The following TTLL11 variants were observed in gnomAD, a reference collection of about 807,000 sequenced individuals.
The protein encoded by TTLL11 is tubulin polyglutamylase TTLL11.
TTLL11 carries 42 observed loss-of-function variants against 51.7 expected under a neutral mutation model. The ratio of observed to expected loss-of-function variants is 0.81; its 90% CI spans 0.64 to 1.05. The LOEUF (loss-of-function observed/expected upper bound fraction) is 1.05, where lower values mean the gene tolerates loss of function less well. TTLL11 is among the 50% of genes least tolerant of loss of function. The pLI, the probability that TTLL11 is intolerant of heterozygous loss-of-function variation, is 0.00. For missense variants in TTLL11, 799 were observed against 940.4 expected, an observed-to-expected ratio of 0.85 and a Z score of 1.97; for synonymous variants, 381 against 383.5, an observed-to-expected ratio of 0.99 and a Z score of 0.08.
chr9:121,942,536 C>T (rs548178785), intron 6 of TTLL11, among the ~76,000 whole-genome samples: 1 of 152,276 alleles, frequency 6.6e-6, no homozygotes, highest in East Asian at 1.9e-4. Flanking sequence ...GCCCGGTACA[C>T]AGTGATTGCT....
At chr9:121,996,659 C>T (rs1435695449) in intron 3 of TTLL11, among the ~76,000 whole-genome samples, 1 of 152,202 alleles carries the variant, frequency 6.6e-6, no homozygotes, top group Non-Finnish European at 1.5e-5. Flanking sequence ...TTTGCACCAA[C>T]CTAAATAATA....
chr9:121,985,249 C>G lies in TTLL11; in HGVS notation c.1269+3946G>C, dbSNP rs184704085. 3.8e-3 allele frequency among the ~76,000 whole-genome samples: 585 copies of G among 152,328 alleles called. 3 individuals are homozygous for G. The highest frequency in any genetic ancestry group is 6.8e-3 in the Admixed American group (104 of 15,302). On this transcript the variant is annotated intron_variant, in intron 4 of 8. Coordinates refer to ENST00000321582, the MANE Select transcript of TTLL11 (RefSeq NM_001139442.2). Reference sequence around the variant, plus strand: ...TGTGTTCTATCTGCACGGAACATTACAGCTTGAAAAGCCATTCACAATCTT... The same window carrying G: ...TGTGTTCTATCTGCACGGAACATTAGAGCTTGAAAAGCCATTCACAATCTT...
chr9:122,067,428 T>C (rs943555656), intron 1 of TTLL11, among the ~76,000 whole-genome samples: 1 of 152,228 alleles, frequency 6.6e-6, no homozygotes, highest in African/African-American at 2.4e-5. Context: ...TAGGTTTGCA[T>C]TGGTTTATAA....
At chr9:121,990,566 T>A (rs1185201951) in intron 3 of TTLL11, among the ~76,000 whole-genome samples, 2 of 152,186 alleles carry the variant, frequency 1.3e-5, no homozygotes, top group Non-Finnish European at 2.9e-5. Flanking sequence ...ATGTCTTGGT[T>A]TCCTCACTTT....
At chr9:121,864,029 T>A (rs559184530) in intron 7 of TTLL11, among the ~76,000 whole-genome samples, 3 of 152,328 alleles carry the variant, frequency 2.0e-5, no homozygotes, top group African/African-American at 7.2e-5. Context: ...GATATGGGGC[T>A]GGGGCTAAGC....
chr9:121,915,990 T>TAAAC (rs1491556213), intron 6 of TTLL11, among the ~76,000 whole-genome samples: 347 of 134,334 alleles, frequency 2.6e-3, no homozygotes, highest in Non-Finnish European at 3.7e-3. Flanking sequence ...GACACACACA[T>TAAAC]ACACACACAC....
At chr9:121,826,343 G>A (rs1228832907) in intron 8 of TTLL11, among the ~76,000 whole-genome samples, 1 of 119,150 alleles carries the variant, frequency 8.4e-6, no homozygotes, top group African/African-American at 3.7e-5. Flanking sequence ...TATATATATG[G>A]GTTATATATA....
At chr9:121,940,462 C>T (rs1302823670) in intron 6 of TTLL11, among the ~76,000 whole-genome samples, 2 of 152,028 alleles carry the variant, frequency 1.3e-5, no homozygotes, top group African/African-American at 2.4e-5. Flanking sequence ...CTCAGCCTCC[C>T]GAGTAGTTGG....
chr9:122,072,465 G>A (rs1029384358), intron 1 of TTLL11, among the ~76,000 whole-genome samples: 4 of 152,062 alleles, frequency 2.6e-5, no homozygotes, highest in Non-Finnish European at 5.9e-5. Flanking sequence ...TCAACATGGT[G>A]AAACCTCGTC....
At chr9:122,079,692 G>C (rs1220247666) in intron 1 of TTLL11, among the ~76,000 whole-genome samples, 7 of 150,672 alleles carry the variant, frequency 4.6e-5, no homozygotes, top group East Asian at 1.9e-4. Flanking sequence ...CTGGGCGACA[G>C]AGCAAGACTC....
At chr9:121,887,563 C>G (rs1839056966) in intron 6 of TTLL11, among the ~76,000 whole-genome samples, 1 of 152,214 alleles carries the variant, frequency 6.6e-6, no homozygotes, top group Non-Finnish European at 1.5e-5. Flanking sequence ...GCTCTGCCGG[C>G]TTCAACTCAA....
At chr9:121,827,530 A>G (rs10818600) in intron 8 of TTLL11, among the ~76,000 whole-genome samples, 58,609 of 151,944 alleles carry the variant, frequency 0.39, 11,685 homozygotes, top group East Asian at 0.49. Context: ...CGCAAAATCA[A>G]ACCAATCACT....
chr9:121,836,743 T>G (rs914370679), intron 8 of TTLL11, among the ~76,000 whole-genome samples: 2 of 151,668 alleles, frequency 1.3e-5, no homozygotes, highest in African/African-American at 4.9e-5. Context: ...GAGATGGGGG[T>G]GTTAGAACAC....
chr9:122,090,275 C>T (rs1846225711), intron 1 of TTLL11, among the ~76,000 whole-genome samples: 1 of 152,170 alleles, frequency 6.6e-6, no homozygotes, highest in South Asian at 2.1e-4. Context: ...AACTGACTTG[C>T]CCTGATAAAT....
chr9:121,837,224 T>C (rs1383220668), intron 8 of TTLL11, among the ~76,000 whole-genome samples: 1 of 152,110 alleles, frequency 6.6e-6, no homozygotes, highest in African/African-American at 2.4e-5. Context: ...TTTGATATTG[T>C]GAATAATGGT....
intron 7 of TTLL11, among the ~76,000 whole-genome samples, chr9:121,864,982 T>C (rs575409451): frequency 6.6e-6 from 1 of 152,268 alleles, no homozygotes; most frequent in Non-Finnish European, 1.5e-5. Flanking sequence ...GATTCTATAA[T>C]GTGAAAGCTA....
chr9:121,879,102 G>A (rs1406360722), intron 6 of TTLL11, among the ~76,000 whole-genome samples: 1 of 152,202 alleles, frequency 6.6e-6, no homozygotes, highest in Non-Finnish European at 1.5e-5. Flanking sequence ...TAGCAGAGAA[G>A]ATGGACACAG....
At chr9:122,070,247 C>T (rs1440152345) in intron 1 of TTLL11, among the ~76,000 whole-genome samples, 8 of 152,116 alleles carry the variant, frequency 5.3e-5, no homozygotes, top group Admixed American at 3.9e-4. Context: ...CCAATTCAGC[C>T]AGCAGGGAGT....
chr9:122,031,528 TTACC>T (rs1009990261), intron 3 of TTLL11, among the ~76,000 whole-genome samples, 191 bp downstream of exon 3: 4 of 152,168 alleles, frequency 2.6e-5, no homozygotes, highest in Middle Eastern at 3.2e-3. Flanking sequence ...TTTCTTCAGT[TTACC>T]TACCTGTCAC....
Sources: allele counts gnomAD v4.1 joint callset (sites outside exome capture counted in the v4.1 genomes callset), GRCh38; gene constraint gnomAD v4.1.1; transcripts MANE v1.5; gene names NCBI Gene and HGNC (gene_info 2026-07-23, HGNC 2026-07-21).